The following TAF1A variants were observed in gnomAD, a reference collection of about 807,000 sequenced individuals.
TAF1A encodes the protein TATA-box binding protein associated factor, RNA polymerase I subunit A.
Under a neutral mutation model 61.6 loss-of-function variants are expected in TAF1A, and 42 were observed. That is an observed-to-expected ratio of 0.68 (90% CI 0.53 to 0.88). The LOEUF (loss-of-function observed/expected upper bound fraction) is 0.88, where lower values mean the gene tolerates loss of function less well. Ranked by LOEUF, TAF1A falls within the 40% of genes least tolerant of loss-of-function variation. The probability of loss-of-function intolerance (pLI) is 0.00; values close to 1 mark genes in which losing one functional copy is unlikely to be tolerated. For missense variants in TAF1A, 424 were observed against 518.7 expected (o/e 0.82, Z 1.77); for synonymous variants, 179 against 177.7 (o/e 1.01, Z -0.06).
intron 5 of TAF1A, among the ~76,000 whole-genome samples, chr1:222,575,756 C>G (rs1660546452): frequency 6.6e-6 from 1 of 152,164 alleles, no homozygotes; most frequent in Non-Finnish European, 1.5e-5. Context: ...GAATGATCAT[C>G]TAAGAGCTCT....
At chr1:222,575,447 G>A (rs1252837774) in intron 5 of TAF1A, among the ~76,000 whole-genome samples, 1 of 152,094 alleles carries the variant, frequency 6.6e-6, no homozygotes, top group Non-Finnish European at 1.5e-5. Flanking sequence ...GGTCGAGGCT[G>A]CAATGAGCCG....
chr1:222,557,569 G>A (rs1026932712), downstream of TAF1A, among the ~76,000 whole-genome samples: 1 of 152,090 alleles, frequency 6.6e-6, no homozygotes, highest in Non-Finnish European at 1.5e-5. Context: ...TCCTGCTTCA[G>A]CCTCCCAAAT....
At chr1:222,587,437 T>C (rs561810778) in intron 2 of TAF1A, among the ~76,000 whole-genome samples, 18 of 152,236 alleles carry the variant, frequency 1.2e-4, no homozygotes, top group East Asian at 1.9e-4. Flanking sequence ...GGGATGATAC[T>C]TAGATCAAAA....
downstream of TAF1A, among the ~76,000 whole-genome samples, chr1:222,557,245 T>C (rs887906982): frequency 3.3e-5 from 5 of 152,134 alleles, no homozygotes; most frequent in African/African-American, 1.2e-4. Flanking sequence ...GCCAAGACAT[T>C]TCTGAAGAAG....
At chr1:222,570,792 A>G (rs1660320381) in intron 5 of TAF1A, 127 bp from the exon 6 acceptor site, 3 of 850,886 alleles carry the variant, frequency 3.5e-6, no homozygotes, top group Non-Finnish European at 5.2e-6. Flanking sequence ...ATTCCAACAA[A>G]TATTTAAAGG....
intron 3 of TAF1A, among the ~76,000 whole-genome samples, chr1:222,581,664 A>G (rs1256848518): frequency 6.6e-6 from 1 of 152,212 alleles, no homozygotes; most frequent in Non-Finnish European, 1.5e-5. Flanking sequence ...GAGTAAGGCA[A>G]TTGCAATTTT....
chr1:222,559,674 T>A (rs1304760747), intron 10 of TAF1A, among the ~76,000 whole-genome samples: 1 of 152,052 alleles, frequency 6.6e-6, no homozygotes, highest in African/African-American at 2.4e-5. Context: ...ATTGCTAACA[T>A]CTTTGTTTTG....
chr1:222,567,200 A>C (rs1660150890), intron 7 of TAF1A, among the ~76,000 whole-genome samples: 1 of 152,226 alleles, frequency 6.6e-6, no homozygotes, highest in African/African-American at 2.4e-5. Flanking sequence ...AAGACACAAA[A>C]GGACAAATGT....
chr1:222,558,967 T>A (rs1659807685), intron 10 of TAF1A, among the ~76,000 whole-genome samples, 195 bp from the exon 11 acceptor site: 1 of 152,232 alleles, frequency 6.6e-6, no homozygotes, highest in African/African-American at 2.4e-5. Flanking sequence ...ACAAAATTTA[T>A]TTGTATTACC....
Position 222,577,519 on chromosome 1 carries a change from T to C in TAF1A, c.530A>G (p.Asn177Ser). ...AAGCCCTTTATAGGCCTGAATAAGG[T>C]TGATTAATATTTCCCGGGAAGACGT... The part of the protein sequence containing the change: ...ENTSSREILI[N>S]LIQAYKGLLQ... Residue 177 changes from asparagine to serine, a missense_variant, in exon 5 of 11, where the codon AAC becomes AGC. Coordinates refer to ENST00000352967, the MANE Select transcript of TAF1A (RefSeq NM_005681.4). The C allele has an allele frequency of 6.2e-7, 1 of 1,613,978 alleles. No homozygotes were observed. The highest frequency in any genetic ancestry group is 8.5e-7 in the Non-Finnish European group (1 of 1,179,930).
intron 7 of TAF1A, among the ~76,000 whole-genome samples, chr1:222,564,828 A>G (rs1660056146): frequency 6.6e-6 from 1 of 152,230 alleles, no homozygotes; most frequent in Non-Finnish European, 1.5e-5. Context: ...CAACAAAATT[A>G]AAAGTAAATT....
chr1:222,580,519 A>C (rs17163273), intron 3 of TAF1A, among the ~76,000 whole-genome samples: 100,469 of 152,042 alleles, frequency 0.66, 34,142 homozygotes, highest in South Asian at 0.81. Context: ...AAGTAAATTA[A>C]ACTGAACTGT....
intron 2 of TAF1A, among the ~76,000 whole-genome samples, chr1:222,587,128 T>C (rs1305741063): frequency 6.6e-6 from 1 of 152,210 alleles, no homozygotes. Context: ...TGAAGTATCA[T>C]TCATTCAAAT....
At chr1:222,576,521 G>A (rs1426608567) in intron 5 of TAF1A, among the ~76,000 whole-genome samples, 2 of 152,146 alleles carry the variant, frequency 1.3e-5, no homozygotes, top group South Asian at 2.1e-4. Flanking sequence ...CAAGGCAAGC[G>A]AATTGCAAAG....
In TAF1A at chr1:222,577,427, T is replaced by G. The variant is rs908133920; in HGVS notation, c.604+18A>C. On this transcript the variant is annotated intron_variant, in intron 5 of 10. Coordinates refer to ENST00000352967, the MANE Select transcript of TAF1A (RefSeq NM_005681.4). ...CCTCAGTCTCATCATAAGAAAAAGTTTACCTGTATTCACTTACCAAGCTTT... is the reference window on the plus strand; with the variant it reads ...CCTCAGTCTCATCATAAGAAAAAGTGTACCTGTATTCACTTACCAAGCTTT... 2 of 1,609,296 alleles carry G rather than the reference T, an allele frequency of 1.2e-6. No homozygotes were observed. The highest frequency in any genetic ancestry group is 2.7e-5 in the African/African-American group (2 of 74,874).
intron 2 of TAF1A, among the ~76,000 whole-genome samples, chr1:222,586,990 A>G (rs566301046): frequency 6.6e-5 from 10 of 152,330 alleles, no homozygotes; most frequent in African/African-American, 2.4e-4. Context: ...TCTTAAACCT[A>G]TCTGCTTGCA....
intron 5 of TAF1A, 97 bp downstream of exon 5, chr1:222,577,348 T>A (rs1291793732): frequency 5.4e-6 from 5 of 932,716 alleles, no homozygotes; most frequent in Non-Finnish European, 8.2e-6. Flanking sequence ...CTCCATAATA[T>A]CTGGATGAAG....
At chr1:222,580,755 G>T (rs544014737) in intron 3 of TAF1A, among the ~76,000 whole-genome samples, 9 of 147,178 alleles carry the variant, frequency 6.1e-5, no homozygotes, top group South Asian at 2.3e-4. Context: ...GTAAATGCAG[G>T]GGGGGAAGAA....
At chr1:222,589,692 A>T in intron 1 of TAF1A, 35 bp downstream of exon 1, 1 of 188,982 alleles carries the variant, frequency 5.3e-6, no homozygotes, top group East Asian at 1.3e-4. Flanking sequence ...TTCCATTTAA[A>T]CGCAGGAACC....
Sources: gnomAD v4.1 joint callset for allele counts (sites outside exome capture counted in the v4.1 genomes callset) on GRCh38, gnomAD v4.1.1 for gene constraint, MANE v1.5 for transcripts, NCBI Gene and HGNC (gene_info 2026-07-23, HGNC 2026-07-21) for gene names.